ANKRD6: variants seen among roughly 807,000 people sequenced by gnomAD.
ANKRD6 encodes ankyrin repeat domain 6.
A neutral mutation model predicts 82.3 loss-of-function variants in ANKRD6; 56 were observed. The ratio of observed to expected loss-of-function variants is 0.68; its 90% CI spans 0.55 to 0.85. The LOEUF is 0.85. ANKRD6 is among the 40% of genes least tolerant of loss of function. The pLI is 0.00. For missense variants in ANKRD6, 852 were observed against 907.6 expected (o/e 0.94, Z 0.79); for synonymous variants, 347 against 352.1 (o/e 0.99, Z 0.16).
In ANKRD6 at chr6:89,532,083, T is replaced by C. The variant is rs369170916; in HGVS notation, c.-143-34751T>C. The stretch of plus-strand genomic sequence containing the variant: ...ATCTCTTGCTTGGGAGAGGCTGGTC[T>C]TTTTGTTCTGTTTAGGCCCTTAACT... On this transcript the variant is annotated intron_variant, in intron 1 of 15. Transcript: ENST00000339746. 1.1e-4 allele frequency among the ~76,000 whole-genome samples: 16 copies of C among 152,322 alleles called. 1 individual carries two copies. The South Asian group carries it at 2.1e-3, about 20-fold the overall frequency.
chr6:89,434,660 C>G (rs1439280543), intron 1 of ANKRD6, among the ~76,000 whole-genome samples: 1 of 152,118 alleles, frequency 6.6e-6, no homozygotes, highest in Non-Finnish European at 1.5e-5. Flanking sequence ...AAGCTGGTCT[C>G]GAACTCCTCC....
At chr6:89,612,089 C>T (rs1224859184) in intron 5 of ANKRD6, among the ~76,000 whole-genome samples, 183 bp from the exon 6 acceptor site, 1 of 152,228 alleles carries the variant, frequency 6.6e-6, no homozygotes. Context: ...ACTCTTCTGC[C>T]TGTTCAGACT....
chr6:89,552,903 A>G (rs1388538011), intron 1 of ANKRD6, among the ~76,000 whole-genome samples: 1 of 152,174 alleles, frequency 6.6e-6, no homozygotes, highest in African/African-American at 2.4e-5. Context: ...GCCTCAGCCA[A>G]CCTTGGAAGA....
At chr6:89,562,935 T>A (rs1446952055) in intron 1 of ANKRD6, 2 of 152,142 alleles carry the variant, frequency 1.3e-5, no homozygotes, top group Non-Finnish European at 2.9e-5. Flanking sequence ...TTTGGAGCAG[T>A]AGGAGCAAAG....
rs1234175700 is a variant in ANKRD6 at position 89,623,526 on chromosome 6, G to A, written c.1014G>A (p.Arg338=). The A allele has an allele frequency of 1.3e-6, 2 of 1,586,446 alleles. No homozygotes were observed. Among genetic ancestry groups the A allele is most frequent in the East Asian group, 4.6e-5 (2 of 43,524 alleles). The stretch of plus-strand genomic sequence containing the variant: ...AACCCAGAGCAAAGGATGACAGGAG[G>A]AGAAAGTCAAGGCCCAAGGTCAGGA... ...SPEPRAKDDR[R]RKSRPKVSAF... is the part of the protein sequence containing the mutation. The change falls in exon 11 of 16, where the codon AGG becomes AGA. Residue 338 remains arginine, a synonymous_variant. Transcript: ENST00000339746.
At chr6:89,567,843 C>T (rs1788877096) in intron 2 of ANKRD6, among the ~76,000 whole-genome samples, 1 of 152,188 alleles carries the variant, frequency 6.6e-6, no homozygotes, top group Non-Finnish European at 1.5e-5. Flanking sequence ...CCCTCAGCCG[C>T]TGAGTGGTGG....
At chr6:89,538,841 T>C (rs190864326) in intron 1 of ANKRD6, among the ~76,000 whole-genome samples, 1 of 152,230 alleles carries the variant, frequency 6.6e-6, no homozygotes, top group African/African-American at 2.4e-5. Context: ...ATTTTAATGA[T>C]CTTAATACTT....
At chr6:89,621,017 C>T (rs559437790) in intron 9 of ANKRD6, among the ~76,000 whole-genome samples, 2 of 151,900 alleles carry the variant, frequency 1.3e-5, no homozygotes, top group Admixed American at 6.6e-5. Flanking sequence ...TGCAGTGAGC[C>T]GAGATCACGC....
intron 6 of ANKRD6, 73 bp downstream of exon 6, chr6:89,612,443 C>T: frequency 7.3e-7 from 1 of 1,375,250 alleles, no homozygotes; most frequent in African/African-American, 1.4e-5. Context: ...CATGAGCATA[C>T]TTGAACCTTA....
At chr6:89,506,995 ACT>A (rs1779955864) in intron 1 of ANKRD6, among the ~76,000 whole-genome samples, 2 of 151,862 alleles carry the variant, frequency 1.3e-5, no homozygotes, top group African/African-American at 4.8e-5. Context: ...TATAAATAAG[ACT>A]CTATGCTAAA....
chr6:89,458,930 C>T (rs1272131170), intron 1 of ANKRD6, among the ~76,000 whole-genome samples: 2 of 152,206 alleles, frequency 1.3e-5, no homozygotes, highest in Non-Finnish European at 2.9e-5. Flanking sequence ...GCTACTCCTG[C>T]CATGCCCTGC....
intron 1 of ANKRD6, among the ~76,000 whole-genome samples, chr6:89,437,919 T>TA (rs1283941407): frequency 6.6e-6 from 1 of 152,126 alleles, no homozygotes; most frequent in Non-Finnish European, 1.5e-5. Context: ...CTCAGCCTCC[T>TA]AAGTAGCTGG....
chr6:89,480,629 A>C (rs1157011556), intron 1 of ANKRD6, among the ~76,000 whole-genome samples: 1 of 151,096 alleles, frequency 6.6e-6, no homozygotes, highest in Non-Finnish European at 1.5e-5. Flanking sequence ...TAAAAATTTT[A>C]CTTTTAAAAA....
chr6:89,519,277 G>A (rs1781607580), intron 1 of ANKRD6, among the ~76,000 whole-genome samples: 2 of 152,216 alleles, frequency 1.3e-5, no homozygotes, highest in Non-Finnish European at 2.9e-5. Flanking sequence ...GAAAAGATCA[G>A]AAGAAGCCAA....
At chr6:89,450,874 A>G (rs544792206) in intron 1 of ANKRD6, among the ~76,000 whole-genome samples, 1 of 152,182 alleles carries the variant, frequency 6.6e-6, no homozygotes, top group African/African-American at 2.4e-5. Flanking sequence ...TAAATAGACT[A>G]CGATATAGTG....
intron 1 of ANKRD6, among the ~76,000 whole-genome samples, chr6:89,515,989 C>A (rs878999453): frequency 2.6e-5 from 4 of 152,192 alleles, no homozygotes; most frequent in African/African-American, 9.7e-5. Flanking sequence ...GGACAAGGAA[C>A]AATTTTCCCC....
In ANKRD6 at chr6:89,529,767, C is replaced by T. The variant is rs577812204; in HGVS notation, c.-143-37067C>T. 2.0e-5 allele frequency among the ~76,000 whole-genome samples: 3 copies of T among 152,180 alleles called. No homozygotes were observed. In the South Asian group the frequency reaches 6.2e-4, roughly 32 times the overall value. On this transcript the variant is annotated intron_variant, in intron 1 of 15. Coordinates refer to ENST00000339746, the MANE Select transcript of ANKRD6 (RefSeq NM_001242809.2). ...TGGCCTAGTTTTGATTTTGTTGTGT[C>T]TCAGCAAATAGGGAGGCCCAAGGAG...
chr6:89,624,808 G>A (rs1443458378), intron 13 of ANKRD6, 117 bp downstream of exon 13: 5 of 1,111,078 alleles, frequency 4.5e-6, no homozygotes, highest in African/African-American at 3.1e-5. Flanking sequence ...GGGCTGTCAG[G>A]GAAGAGGCCT....
intron 1 of ANKRD6, among the ~76,000 whole-genome samples, chr6:89,535,834 C>G (rs763400480): frequency 6.6e-6 from 1 of 152,244 alleles, no homozygotes. Context: ...CCAACACTTA[C>G]CAGTTGTGCA....
Sources: gnomAD v4.1 joint callset for allele counts (sites outside exome capture counted in the v4.1 genomes callset) on GRCh38, gnomAD v4.1.1 for gene constraint, MANE v1.5 for transcripts, NCBI Gene and HGNC (gene_info 2026-07-23, HGNC 2026-07-21) for gene names.